The following PPP2R1A variants were observed in gnomAD, a reference collection of about 807,000 sequenced individuals.
PPP2R1A encodes protein phosphatase 2 scaffold subunit Aalpha, also known as serine/threonine-protein phosphatase 2A 65 kDa regulatory subunit A alpha isoform.
In PPP2R1A, 15 loss-of-function variants were observed where a neutral mutation model predicts 67.1. The observed-to-expected ratio is 0.22, with a 90% CI of 0.15 to 0.34. The LOEUF (loss-of-function observed/expected upper bound fraction) is 0.34. Ranked by LOEUF, PPP2R1A falls within the 10% of genes least tolerant of loss-of-function variation. The pLI is 1.00. For synonymous variants in PPP2R1A, 337 were observed against 325.0 expected, an observed-to-expected ratio of 1.04 and a Z score of -0.40; for missense variants, 369 against 775.0, an observed-to-expected ratio of 0.48 and a Z score of 6.22.
chr19:52,220,934 C>G (rs1444988522), intron 11 of PPP2R1A, 45 bp from the exon 12 acceptor site: 1 of 1,606,590 alleles, frequency 6.2e-7, no homozygotes, highest in Admixed American at 1.7e-5. Context: ...CACATCAGTT[C>G]TTCACCTCCA....
At position 52,213,824 on chromosome 19, in the gene PPP2R1A, G is replaced by A. The variant is rs1012661013; in HGVS notation, c.807+714G>A. 1.3e-5 allele frequency among the ~76,000 whole-genome samples: 2 copies of A among 152,040 alleles called. No homozygotes were observed. The highest frequency in any genetic ancestry group is 2.9e-5 in the Non-Finnish European group (2 of 68,028). ...TTAACTGATCAGAGTGACACTACCA[G>A]CCAGGCAGAAAGGGGACAAGACTCC... On this transcript the variant is annotated intron_variant, in intron 6 of 14. Coordinates refer to ENST00000322088, the MANE Select transcript of PPP2R1A (RefSeq NM_014225.6). The surrounding 1 kb of genome is among the most constrained non-coding windows in gnomAD (Gnocchi z 4.2).
At chr19:52,210,484 C>CTTTTTTTTTTTTTTTTTTT (rs112983236) in intron 3 of PPP2R1A, among the ~76,000 whole-genome samples, 1 of 126,970 alleles carries the variant, frequency 7.9e-6, no homozygotes, top group Non-Finnish European at 1.6e-5. Flanking sequence ...GTTTTCTCTT[C>CTTTTTTTTTTTTTTTTTTT]TTTTTTTTTT....
intron 1 of PPP2R1A, among the ~76,000 whole-genome samples, chr19:52,191,924 G>T (rs920528086): frequency 6.6e-6 from 1 of 152,150 alleles, no homozygotes; most frequent in Admixed American, 6.6e-5. Context: ...GCAGGGCGCT[G>T]TTCTAAGCAC....
intron 11 of PPP2R1A, 115 bp from the exon 12 acceptor site, chr19:52,220,864 T>TG: frequency 8.0e-7 from 1 of 1,257,116 alleles, no homozygotes; most frequent in Non-Finnish European, 1.1e-6. Flanking sequence ...TTGGCTCACA[T>TG]GCAGCCTGGC....
rs1978782087 is a variant in PPP2R1A, at chr19:52,219,420, AT to A, written c.1129-267del. Among the ~76,000 whole-genome samples, 1 of 152,174 alleles carries A rather than the reference AT, an allele frequency of 6.6e-6. No individual in the cohort carries two copies. Among genetic ancestry groups the A allele is most frequent in the South Asian group, 2.1e-4 (1 of 4,832 alleles). ...CTGCCTGTTTTTTCCAGGGTGCTGT[AT>A]TTTCCTACTGTGATTCTTAAAGTCT... On this transcript the variant is annotated intron_variant, in intron 9 of 14. Coordinates refer to ENST00000322088, the MANE Select transcript of PPP2R1A (RefSeq NM_014225.6). The surrounding 1 kb of genome is among the most constrained non-coding windows in gnomAD (Gnocchi z 4.0).
intron 2 of PPP2R1A, 96 bp downstream of exon 2, chr19:52,202,130 T>A: frequency 9.5e-7 from 1 of 1,053,694 alleles, no homozygotes; most frequent in Non-Finnish European, 1.4e-6. Flanking sequence ...ATATTGTTTG[T>A]GAATATCTGC....
intron 12 of PPP2R1A, among the ~76,000 whole-genome samples, chr19:52,221,413 C>A (rs1480964277): frequency 4.6e-5 from 7 of 152,144 alleles, no homozygotes; most frequent in African/African-American, 1.7e-4. Flanking sequence ...TTTATGAGCA[C>A]CCCTCTCCTT....
rs1329410219 is a variant in PPP2R1A, at chr19:52,226,169, G to A, written c.*188G>A. Reference sequence around the variant, plus strand: ...GATGTCTCACTGTCCACCTCCCAACGGGCTAGGGGAGCACGGGGTTGGACA... The same window carrying A: ...GATGTCTCACTGTCCACCTCCCAACAGGCTAGGGGAGCACGGGGTTGGACA... On this transcript the variant is annotated 3_prime_UTR_variant, in exon 15 of 15. Coordinates refer to ENST00000322088, the MANE Select transcript of PPP2R1A (RefSeq NM_014225.6). 1.1e-5 allele frequency: 10 copies of A among 882,610 alleles called. No homozygotes were observed. The highest frequency in any genetic ancestry group is 5.3e-5 in the East Asian group (2 of 37,890). 54.7% of individuals were successfully genotyped at this position (882,610 alleles called of 1,614,324 possible). A position where few individuals can be genotyped will look rare whatever the true frequency, so the allele number is the denominator to read the frequency against.
rs535994345 is a variant in PPP2R1A, at chr19:52,226,963, G to T, written c.*982G>T. 3 of 152,234 alleles carry T rather than the reference G, an allele frequency of 2.0e-5. No homozygotes were observed. The highest frequency in any genetic ancestry group is 4.2e-4 in the South Asian group (2 of 4,814). 9.4% of individuals were successfully genotyped at this position (152,234 alleles called of 1,614,324 possible). On this transcript the variant is annotated 3_prime_UTR_variant, in exon 15 of 15. Coordinates refer to ENST00000322088, the MANE Select transcript of PPP2R1A (RefSeq NM_014225.6). Reference sequence around the variant, plus strand: ...TCCTGTGTTCTTGAAGAAGACTTGGGCTTGGACCCTGTCCCCAGGAGGTCT... The same window carrying T: ...TCCTGTGTTCTTGAAGAAGACTTGGTCTTGGACCCTGTCCCCAGGAGGTCT...
chr19:52,216,053 C>G lies in PPP2R1A; in HGVS notation c.972C>G (p.Ser324=). 1.2e-6 allele frequency: 2 copies of G among 1,613,822 alleles called. No individual in the cohort carries two copies. The highest frequency in any genetic ancestry group is 1.7e-6 in the Non-Finnish European group (2 of 1,179,776). The part of the protein sequence containing the change: ...SADCRENVIM[S]QILPCIKELV... ...ACTGTCGGGAGAATGTGATCATGTC[C>G]CAGATCTTGCCCTGCATCAAGGTAA... Residue 324 remains serine (S), a synonymous_variant, in exon 8 of 15, where the codon TCC becomes TCG. Coordinates refer to ENST00000322088, the MANE Select transcript of PPP2R1A (RefSeq NM_014225.6). This position sits in a 1 kb window ranked among gnomAD's most constrained non-coding sequence, Gnocchi z 4.3.
intron 13 of PPP2R1A, among the ~76,000 whole-genome samples, chr19:52,224,463 T>C (rs1979131726): frequency 6.6e-6 from 1 of 152,186 alleles, no homozygotes; most frequent in Non-Finnish European, 1.5e-5. Flanking sequence ...CCCGGGTGCC[T>C]CATGGCAGAA....
chr19:52,212,907 C>T lies in PPP2R1A; in HGVS notation c.652-48C>T. On this transcript the variant is annotated intron_variant, in intron 5 of 14. Transcript: ENST00000322088. This position sits in a 1 kb window ranked among gnomAD's most constrained non-coding sequence, Gnocchi z 4.1. ...CTGCCCATGAAAGAGAATCCCAGAG[C>T]TCAGCAAGGCCTCTGCTGCCCTCCC... 6.4e-7 allele frequency: 1 copy of T among 1,566,510 alleles called. No homozygotes were observed. The highest frequency in any genetic ancestry group is 8.7e-7 in the Non-Finnish European group (1 of 1,154,932).
chr19:52,195,470 T>A (rs951809505), intron 1 of PPP2R1A, among the ~76,000 whole-genome samples: 1 of 152,162 alleles, frequency 6.6e-6, no homozygotes, highest in Non-Finnish European at 1.5e-5. Flanking sequence ...CTGGATGTCC[T>A]CCAATTCAGT....
At chr19:52,195,779 CCTT>C (rs969314745) in intron 1 of PPP2R1A, among the ~76,000 whole-genome samples, 1 of 152,066 alleles carries the variant, frequency 6.6e-6, no homozygotes, top group Non-Finnish European at 1.5e-5. Flanking sequence ...GCTTCCATGC[CCTT>C]CTTGGGTGCA....
At chr19:52,200,055 C>T (rs1177417605) in intron 1 of PPP2R1A, among the ~76,000 whole-genome samples, 1 of 152,230 alleles carries the variant, frequency 6.6e-6, no homozygotes, top group Non-Finnish European at 1.5e-5. Context: ...ACCCAACTCA[C>T]GCAAGATCTT....
Position 52,225,707 on chromosome 19 carries a change from C to T in PPP2R1A, c.1662-10C>T, listed in dbSNP as rs771075267. 5.0e-6 allele frequency: 8 copies of T among 1,613,206 alleles called. No homozygotes were observed. The highest frequency in any genetic ancestry group is 2.7e-5 in the African/African-American group (2 of 74,894). On this transcript the variant is annotated splice_polypyrimidine_tract_variant and intron_variant, in intron 13 of 14. Coordinates refer to ENST00000322088, the MANE Select transcript of PPP2R1A (RefSeq NM_014225.6). ...CACCCTCTCTCTCCCTGTCTCCTTT[C>T]GCTTTCCAGCACCTTGCAGAGTGAA... is the stretch of plus-strand genomic sequence containing the variant.
Position 52,215,761 on chromosome 19 carries a change from C to T in PPP2R1A, c.808-18C>T. ...TGCCAGCCCCTCTCACTCTCCCCCT[C>T]CTCCTTCCTGTCTGCAGCTCCAGAA... On this transcript the variant is annotated intron_variant, in intron 6 of 14. Coordinates refer to ENST00000322088, the MANE Select transcript of PPP2R1A (RefSeq NM_014225.6). The T allele has an allele frequency of 6.2e-7, 1 of 1,607,816 alleles. No homozygotes were observed. The highest frequency in any genetic ancestry group is 1.1e-5 in the South Asian group (1 of 90,952).
chr19:52,225,082 A>G (rs1979173823), intron 13 of PPP2R1A, among the ~76,000 whole-genome samples: 1 of 146,012 alleles, frequency 6.8e-6, no homozygotes, highest in Admixed American at 6.9e-5. Flanking sequence ...CAATGATGCA[A>G]TCTTGGCTCA....
rs913956595 is a variant in PPP2R1A, at chr19:52,211,678, T to C, written c.503+186T>C. The C allele has an allele frequency of 1.1e-5, 7 of 625,990 alleles. No individual in the cohort carries two copies. Among genetic ancestry groups the C allele is most frequent in the Non-Finnish European group, 1.9e-5 (7 of 361,808 alleles). 38.8% of individuals were successfully genotyped at this position (625,990 alleles called of 1,614,324 possible). On this transcript the variant is annotated intron_variant, in intron 4 of 14. Coordinates refer to ENST00000322088, the MANE Select transcript of PPP2R1A (RefSeq NM_014225.6). The surrounding 1 kb of genome is among the most constrained non-coding windows in gnomAD (Gnocchi z 5.3). ...TCTCTGGACACGGCCACGTGTCAGT[T>C]TACCCACCTCTGCCCCCTTGCTCAC...
Sources: allele counts gnomAD v4.1 joint callset (sites outside exome capture counted in the v4.1 genomes callset), GRCh38; gene constraint gnomAD v4.1.1; non-coding constraint Gnocchi (gnomAD v3.1); transcripts MANE v1.5; gene names NCBI Gene and HGNC (gene_info 2026-07-23, HGNC 2026-07-21).